Variants in ADGRE1 observed in about 807,000 individuals in gnomAD.
ADGRE1 encodes the protein EGF-like module receptor 1.
In ADGRE1, 82 loss-of-function variants were observed where a neutral mutation model predicts 102.7. The observed-to-expected ratio is 0.80, with a 90% CI of 0.67 to 0.96. The LOEUF is 0.96. Among genes scored for constraint, ADGRE1 ranks in the 40% least tolerant of loss-of-function variants. ADGRE1 has a pLI of 0.00. For missense variants in ADGRE1, 1,032 were observed against 1,085.3 expected (o/e 0.95, Z 0.69); for synonymous variants, 398 against 399.6 (o/e 1.00, Z 0.05).
chr19:6,902,102 T>C, intron 6 of ADGRE1, 81 bp downstream of exon 6: 9 of 1,540,914 alleles, frequency 5.8e-6, no homozygotes, highest in South Asian at 1.2e-5. Context: ...TGGGTCTTGG[T>C]TGAGTTTGAG....
chr19:6,935,004 G>T lies in ADGRE1; in HGVS notation c.2307G>T (p.Leu769=). The part of the protein sequence containing the change: ...CTVIVINSLL[L]TWTLWILRQR... ...CTTTGCAGATCAACTCCCTTCTCCT[G>T]ACCTGGACCTTGTGGATCCTGAGGC... is the stretch of plus-strand genomic sequence containing the variant. Residue 769 remains leucine (L), a synonymous_variant, in exon 18 of 21, where the codon CTG becomes CTT. Coordinates refer to ENST00000312053, the MANE Select transcript of ADGRE1 (RefSeq NM_001974.5). 1 of 1,592,246 alleles carries T rather than the reference G, an allele frequency of 6.3e-7. No homozygotes were observed. The highest frequency in any genetic ancestry group is 8.6e-7 in the Non-Finnish European group (1 of 1,168,598).
rs1973960266 is a variant in ADGRE1 at position 6,906,450 on chromosome 19, A to G, written c.967A>G (p.Lys323Glu). ...FSCQRVLFKC[K>E]EDVIPDNKQI... ...CTTCCTAGGGGTTCTCTTCAAATGTAAGGAAGATGTGATACCCGATAATAA... is the reference window on the plus strand; with the variant it reads ...CTTCCTAGGGGTTCTCTTCAAATGTGAGGAAGATGTGATACCCGATAATAA... The change falls in exon 9 of 21, where the codon AAG (lysine) becomes GAG (glutamate). Residue 323 changes from lysine (K) to glutamate (E), a missense_variant. Physicochemically the swap from Lys to Glu is moderately conservative, Grantham distance 56 (BLOSUM62 1). Transcript: ENST00000312053. 1 of 1,613,530 alleles carries G rather than the reference A, an allele frequency of 6.2e-7. No individual in the cohort carries two copies.
At chr19:6,927,416 T>G (rs924939688) in intron 16 of ADGRE1, among the ~76,000 whole-genome samples, 2 of 152,048 alleles carry the variant, frequency 1.3e-5, no homozygotes, top group Non-Finnish European at 2.9e-5. Flanking sequence ...TATTCAGAGA[T>G]GAACAAACAC....
intron 2 of ADGRE1, among the ~76,000 whole-genome samples, chr19:6,893,364 A>AT (rs1331971225): frequency 3.3e-5 from 5 of 151,116 alleles, no homozygotes; most frequent in East Asian, 1.9e-4. Context: ...TGCCTGGCTA[A>AT]TTTTTTTTTA....
chr19:6,900,569 C>T (rs1973729975), intron 5 of ADGRE1, among the ~76,000 whole-genome samples: 1 of 152,156 alleles, frequency 6.6e-6, no homozygotes, highest in Non-Finnish European at 1.5e-5. Flanking sequence ...CTGCAGCAGC[C>T]TCCTCTCTAG....
intron 11 of ADGRE1, among the ~76,000 whole-genome samples, chr19:6,915,920 CAAAAAAAAAA>C (rs67370670): frequency 1.4e-4 from 8 of 59,172 alleles, no homozygotes; most frequent in Middle Eastern, 0.013. Flanking sequence ...GACTCCGTCT[CAAAAAAAAAA>C]AAAAAAAAAA....
intron 1 of ADGRE1, among the ~76,000 whole-genome samples, chr19:6,888,022 A>G (rs1973211058): frequency 6.6e-6 from 1 of 152,192 alleles, no homozygotes; most frequent in Non-Finnish European, 1.5e-5. Context: ...ACTTCTTTAA[A>G]CATAGAGTGT....
chr19:6,921,178 T>C (rs951001825), intron 13 of ADGRE1, among the ~76,000 whole-genome samples: 1 of 152,108 alleles, frequency 6.6e-6, no homozygotes, highest in African/African-American at 2.4e-5. Context: ...CCCAGAACTT[T>C]GGGAGGCCCG....
chr19:6,936,382 G>A (rs1257188351), intron 18 of ADGRE1, among the ~76,000 whole-genome samples: 2 of 148,606 alleles, frequency 1.3e-5, no homozygotes, highest in African/African-American at 5.0e-5. Context: ...CTTGCAGTGA[G>A]CCAAGATCAC....
chr19:6,918,191 G>A (rs1260106575), intron 12 of ADGRE1, among the ~76,000 whole-genome samples: 1 of 152,184 alleles, frequency 6.6e-6, no homozygotes, highest in African/African-American at 2.4e-5. Flanking sequence ...TGTAATCCCA[G>A]CACTTTGGGA....
intron 20 of ADGRE1, among the ~76,000 whole-genome samples, chr19:6,938,685 G>C (rs1467224894): frequency 6.6e-6 from 1 of 151,230 alleles, no homozygotes; most frequent in Non-Finnish European, 1.5e-5. Flanking sequence ...TATGCAATGG[G>C]GTTGGAAGAG....
chr19:6,926,821 G>A (rs1002719245), intron 16 of ADGRE1, among the ~76,000 whole-genome samples: 1 of 151,978 alleles, frequency 6.6e-6, no homozygotes, highest in Non-Finnish European at 1.5e-5. Context: ...TATGTTCCAG[G>A]AAGAGAACAT....
rs949612412 is a variant in ADGRE1 at position 6,919,334 on chromosome 19, GT to G, written c.1421-202del. On this transcript the variant is annotated intron_variant, in intron 12 of 20. Coordinates refer to ENST00000312053, the MANE Select transcript of ADGRE1 (RefSeq NM_001974.5). Reference sequence around the variant, plus strand: ...CGTGAGCCACCATGCCCGGCCAGAGGTTTTTTTTTTTTAATGGTTCTAGAAG... The same window carrying G: ...CGTGAGCCACCATGCCCGGCCAGAGGTTTTTTTTTTTAATGGTTCTAGAAG... 4.5e-3 allele frequency among the ~76,000 whole-genome samples: 627 copies of G among 140,770 alleles called. 10 individuals carry two copies. Among genetic ancestry groups the G allele is most frequent in the Non-Finnish European group, 6.3e-3 (403 of 64,318 alleles). The allele number at this position is 140,770 out of a possible 152,430, so 92.4% of individuals were successfully genotyped here. A position where few individuals can be genotyped will look rare whatever the true frequency, so the allele number is the denominator to read the frequency against.
Position 6,911,385 on chromosome 19 carries a change from G to GTTTTTTTTTTTTTTT in ADGRE1, c.1123-2262_1123-2248dup, listed in dbSNP as rs772959056. ...TTTATTAGGTTCTGGATTCCTTTTA[G>GTTTTTTTTTTTTTTT]TTTTTTTTTTTTTTTTTTTTGCTTG... is the stretch of plus-strand genomic sequence containing the variant. On this transcript the variant is annotated intron_variant, in intron 10 of 20. Transcript: ENST00000312053. 3.9e-4 allele frequency among the ~76,000 whole-genome samples: 31 copies of GTTTTTTTTTTTTTTT among 79,852 alleles called. 4 individuals are homozygous for GTTTTTTTTTTTTTTT. The highest frequency in any genetic ancestry group is 4.9e-4 in the Non-Finnish European group (21 of 42,810). The allele number at this position is 79,852 out of a possible 152,430, so 52.4% of individuals were successfully genotyped here. A position where few individuals can be genotyped will look rare whatever the true frequency, so the allele number is the denominator to read the frequency against.
intron 8 of ADGRE1, among the ~76,000 whole-genome samples, chr19:6,904,506 AAAC>A (rs971582228): frequency 1.3e-5 from 2 of 151,894 alleles, no homozygotes; most frequent in African/African-American, 4.8e-5. Context: ...ACTATGAATG[AAAC>A]AACAACAAAA....
intron 10 of ADGRE1, among the ~76,000 whole-genome samples, 200 bp from the exon 11 acceptor site, chr19:6,913,453 T>TA (rs1158368112): frequency 1.3e-5 from 2 of 151,992 alleles, no homozygotes; most frequent in African/African-American, 4.8e-5. Flanking sequence ...GTGCTGGGCT[T>TA]ACAAGTGTGA....
At chr19:6,915,487 G>A (rs769044882) in intron 11 of ADGRE1, among the ~76,000 whole-genome samples, 16 of 152,164 alleles carry the variant, frequency 1.1e-4, no homozygotes, top group Non-Finnish European at 1.9e-4. Context: ...GCACAGAGAG[G>A]TTAAGTCAAT....
At chr19:6,915,604 C>T (rs1974343777) in intron 11 of ADGRE1, among the ~76,000 whole-genome samples, 1 of 152,076 alleles carries the variant, frequency 6.6e-6, no homozygotes, top group Non-Finnish European at 1.5e-5. Context: ...GCCCCAATCC[C>T]TTACTATTTC....
rs772589337 is a variant in ADGRE1, at chr19:6,921,711, A to T, written c.1621-2A>T. ...GTTTTTTTGTTTTTTTGTTTTTTTT[A>T]GCCAAAGCAGAAGTTTGAGAGGCCC... On this transcript the variant is annotated splice_acceptor_variant, in intron 13 of 20. Transcript: ENST00000312053. LOFTEE classifies it high-confidence loss of function. 7 of 1,560,688 alleles carry T rather than the reference A, an allele frequency of 4.5e-6. No homozygotes were observed. The highest frequency in any genetic ancestry group is 6.1e-6 in the Non-Finnish European group (7 of 1,156,610).
Sources: gnomAD v4.1 joint callset for allele counts (sites outside exome capture counted in the v4.1 genomes callset) on GRCh38, gnomAD v4.1.1 for gene constraint, MANE v1.5 for transcripts, NCBI Gene and HGNC (gene_info 2026-07-23, HGNC 2026-07-21) for gene names.